RBFOX1: variants seen among roughly 807,000 people sequenced by gnomAD.
RBFOX1 encodes RNA binding protein fox-1 homolog 1.
Under a neutral mutation model 57.7 loss-of-function variants are expected in RBFOX1, and 8 were observed. The observed-to-expected ratio is 0.14, with a 90% CI of 0.08 to 0.25. The LOEUF is 0.25. Ranked by LOEUF, RBFOX1 falls within the 10% of genes least tolerant of loss-of-function variation. The pLI, the probability that RBFOX1 is intolerant of heterozygous loss-of-function variation, is 1.00. For synonymous variants in RBFOX1, 326 were observed against 222.4 expected (o/e 1.47, Z -4.15); for missense variants, 611 against 548.5 (o/e 1.11, Z -1.14).
chr16:7,152,322 C>T (rs752163163), intron 4 of RBFOX1, among the ~76,000 whole-genome samples: 2 of 152,158 alleles, frequency 1.3e-5, no homozygotes, highest in African/African-American at 4.8e-5. Flanking sequence ...ACCAGAAAAA[C>T]TACAGAAGGG....
chr16:6,104,132 A>AACACACACACACACACACACACAC, intron 1 of RBFOX1, among the ~76,000 whole-genome samples: 1 of 148,472 alleles, frequency 6.7e-6, no homozygotes, highest in Non-Finnish European at 1.5e-5. Flanking sequence ...TCCCAGTTGA[A>AACACACACACACACACACACACAC]ACACACACAC....
chr16:5,855,185 G>C (rs1170559786), intron 3 of RBFOX1, among the ~76,000 whole-genome samples: 2 of 152,048 alleles, frequency 1.3e-5, no homozygotes, highest in Non-Finnish European at 2.9e-5. Flanking sequence ...TTGCTATTTT[G>C]TTCTGTTTGT....
intron 3 of RBFOX1, among the ~76,000 whole-genome samples, chr16:6,816,565 C>A (rs139880276): frequency 0.018 from 2,708 of 151,616 alleles, 88 homozygotes; most frequent in African/African-American, 0.062. Context: ...CACAGTGAAA[C>A]CCCGTCTCTA....
chr16:7,530,334 C>T (rs1601018034), intron 5 of RBFOX1, among the ~76,000 whole-genome samples: 1 of 152,062 alleles, frequency 6.6e-6, no homozygotes, highest in Non-Finnish European at 1.5e-5. Context: ...TACACATACC[C>T]GGGGTTATCT....
chr16:6,854,687 T>A (rs11641885), intron 3 of RBFOX1, among the ~76,000 whole-genome samples: 2 of 148,676 alleles, frequency 1.3e-5, no homozygotes, highest in African/African-American at 5.0e-5. Flanking sequence ...CTCCGCCTCC[T>A]GGGTTCAAGT....
intron 3 of RBFOX1, among the ~76,000 whole-genome samples, chr16:5,769,085 AAG>A (rs887129207): frequency 1.3e-5 from 2 of 152,198 alleles, no homozygotes; most frequent in Admixed American, 6.5e-5. Flanking sequence ...AGAAAAAAAA[AAG>A]AGTCAATTAA....
intron 2 of RBFOX1, among the ~76,000 whole-genome samples, chr16:6,654,186 A>G (rs35885929): frequency 0.21 from 31,784 of 152,060 alleles, 3,381 homozygotes; most frequent in African/African-American, 0.22. Flanking sequence ...GGTTGGAAGG[A>G]TAAAAAATAG....
chr16:6,069,364 C>G (rs1295119848), intron 1 of RBFOX1, among the ~76,000 whole-genome samples: 1 of 145,618 alleles, frequency 6.9e-6, no homozygotes, highest in Non-Finnish European at 1.5e-5. Flanking sequence ...TGCCAGTGCA[C>G]TCCAGCCTGG....
intron 3 of RBFOX1, among the ~76,000 whole-genome samples, chr16:5,668,719 C>T (rs149313793): frequency 5.3e-5 from 8 of 152,328 alleles, no homozygotes; most frequent in Admixed American, 3.9e-4. Context: ...CTGTTGACAG[C>T]AGGCTCCTCC....
intron 7 of RBFOX1, among the ~76,000 whole-genome samples, chr16:7,594,020 C>T (rs927528330): frequency 1.3e-5 from 2 of 152,070 alleles, no homozygotes; most frequent in Admixed American, 6.6e-5. Context: ...TACAGGTGCA[C>T]ACTGTGCAGG....
chr16:7,104,590 C>A (rs1414540454), intron 4 of RBFOX1, among the ~76,000 whole-genome samples: 2 of 152,106 alleles, frequency 1.3e-5, no homozygotes, highest in Non-Finnish European at 2.9e-5. Flanking sequence ...CTTCTATAGT[C>A]AAGTCAGGAC....
At chr16:6,071,348 A>T (rs2095835612) in intron 1 of RBFOX1, among the ~76,000 whole-genome samples, 1 of 152,178 alleles carries the variant, frequency 6.6e-6, no homozygotes, top group African/African-American at 2.4e-5. Flanking sequence ...AAACAAAGAA[A>T]CGGTAATGTA....
intron 2 of RBFOX1, among the ~76,000 whole-genome samples, chr16:6,507,558 G>C (rs76371180): frequency 1.4e-5 from 2 of 146,860 alleles, no homozygotes; most frequent in African/African-American, 5.0e-5. Context: ...TGTAGTTCCA[G>C]CTACCCCCAG....
chr16:6,197,742 G>A (rs2097189703), intron 1 of RBFOX1, among the ~76,000 whole-genome samples: 1 of 151,820 alleles, frequency 6.6e-6, no homozygotes, highest in Non-Finnish European at 1.5e-5. Context: ...GCGTCACCCA[G>A]GTATTAAGCC....
At chr16:5,490,152 T>C (rs2129253) in intron 2 of RBFOX1, among the ~76,000 whole-genome samples, 123,907 of 152,186 alleles carry the variant, frequency 0.81, 50,505 homozygotes, top group East Asian at 0.89. Context: ...TTCCCCTTCT[T>C]TCTGTGGCCA....
At chr16:5,482,764 G>A (rs769109290) in intron 2 of RBFOX1, among the ~76,000 whole-genome samples, 12 of 152,144 alleles carry the variant, frequency 7.9e-5, no homozygotes, top group Non-Finnish European at 1.6e-4. Context: ...GGTACTGGTG[G>A]ACCATCTTGG....
rs1257041318 is a variant in RBFOX1 at position 6,019,621 on chromosome 16, A to C, written c.-498A>C. On this transcript the variant is annotated 5_prime_UTR_variant, in exon 1 of 16. Coordinates refer to ENST00000550418, the MANE Select transcript of RBFOX1 (RefSeq NM_018723.4). The surrounding 1 kb of genome is among the most constrained non-coding windows in gnomAD (Gnocchi z 4.2). The stretch of plus-strand genomic sequence containing the variant: ...AAGGAAGGAGTGAGCCGAGCCGAGC[A>C]CCCCACATCTGGAGGGGACAGCCAG... 8.0e-7 allele frequency: 1 copy of C among 1,249,808 alleles called. No homozygotes were observed. The highest frequency in any genetic ancestry group is 3.2e-5 in the East Asian group (1 of 31,318). 77.4% of individuals were successfully genotyped at this position (1,249,808 alleles called of 1,614,324 possible). A position where few individuals can be genotyped will look rare whatever the true frequency, so the allele number is the denominator to read the frequency against.
intron 2 of RBFOX1, among the ~76,000 whole-genome samples, chr16:6,370,561 C>T (rs113249064): frequency 1.7e-3 from 253 of 152,030 alleles, no homozygotes; most frequent in African/African-American, 5.4e-3. Flanking sequence ...TGAAACATTA[C>T]GCTAAGTGAA....
intron 1 of RBFOX1, among the ~76,000 whole-genome samples, chr16:6,135,881 G>A (rs933590069): frequency 1.3e-4 from 18 of 138,594 alleles, no homozygotes; most frequent in Middle Eastern, 4.2e-3. Flanking sequence ...TGTACCCTCT[G>A]CCTCCCAGGC....
Sources: allele counts gnomAD v4.1 joint callset (sites outside exome capture counted in the v4.1 genomes callset), GRCh38; gene constraint gnomAD v4.1.1; non-coding constraint Gnocchi (gnomAD v3.1); transcripts MANE v1.5; gene names NCBI Gene and HGNC (gene_info 2026-07-23, HGNC 2026-07-21).